The following PUS10 variants were observed in gnomAD, a reference collection of about 807,000 sequenced individuals.
PUS10 encodes the protein pseudouridine synthase 10.
PUS10 carries 59 observed loss-of-function variants against 75.0 expected under a neutral mutation model. That is an observed-to-expected ratio of 0.79 (90% CI 0.64 to 0.98). The LOEUF is 0.98. PUS10 is among the 50% of genes least tolerant of loss of function. PUS10 has a pLI of 0.00. For missense variants in PUS10, 650 were observed against 614.4 expected (o/e 1.06, Z -0.61); for synonymous variants, 219 against 211.6 (o/e 1.03, Z -0.30).
intron 6 of PUS10, chr2:60,965,816 T>A (rs1276520975): frequency 1.1e-5 from 2 of 179,544 alleles, no homozygotes; most frequent in African/African-American, 2.4e-5. Flanking sequence ...CAGAGAGAAA[T>A]GAAGAATTAT....
At position 60,942,285 on chromosome 2, in the gene PUS10, T is replaced by G; in HGVS notation, c.*110A>C. The G allele has an allele frequency of 1.2e-6, 1 of 835,568 alleles. No homozygotes were observed. The highest frequency in any genetic ancestry group is 2.4e-5 in the East Asian group (1 of 41,330). 51.8% of individuals were successfully genotyped at this position (835,568 alleles called of 1,614,324 possible). A position where few individuals can be genotyped will look rare whatever the true frequency, so the allele number is the denominator to read the frequency against. ...ATTATATAGATCAACATGATCCAAA[T>G]AGTTTTCAAGACACCGTTATGGTGG... On this transcript the variant is annotated 3_prime_UTR_variant, in exon 18 of 18. Transcript: ENST00000316752.
intron 11 of PUS10, 85 bp downstream of exon 11, chr2:60,960,307 G>T: frequency 9.5e-7 from 1 of 1,056,698 alleles, no homozygotes; most frequent in Non-Finnish European, 1.3e-6. Flanking sequence ...TCGTGCTACT[G>T]CAATCTAGCC....
intron 5 of PUS10, among the ~76,000 whole-genome samples, 188 bp downstream of exon 5, chr2:60,971,335 A>T (rs1459247461): frequency 6.6e-6 from 1 of 152,220 alleles, no homozygotes; most frequent in Middle Eastern, 3.2e-3. Flanking sequence ...CTAATATGCT[A>T]TGCAAATAAA....
chr2:60,956,242 T>A (rs907901777), intron 11 of PUS10, among the ~76,000 whole-genome samples: 2 of 152,176 alleles, frequency 1.3e-5, no homozygotes, highest in Admixed American at 1.3e-4. Context: ...AATAAATCCA[T>A]AGCAATATCG....
intron 4 of PUS10, among the ~76,000 whole-genome samples, chr2:60,991,953 C>T (rs1678113043): frequency 6.6e-6 from 1 of 151,954 alleles, no homozygotes; most frequent in African/African-American, 2.4e-5. Context: ...ACTGAAATAT[C>T]AGTTGCTGCA....
chr2:60,945,750 A>G (rs1310282891), intron 16 of PUS10, among the ~76,000 whole-genome samples: 1 of 152,180 alleles, frequency 6.6e-6, no homozygotes, highest in Admixed American at 6.5e-5. Context: ...TTGTATTTCA[A>G]ATTTTGAAAT....
intron 6 of PUS10, chr2:60,965,706 AC>A (rs1676300754): frequency 5.6e-6 from 2 of 354,228 alleles, no homozygotes; most frequent in Non-Finnish European, 1.0e-5. Flanking sequence ...TAGTGATCCT[AC>A]CAAAAAAGTT....
intron 4 of PUS10, among the ~76,000 whole-genome samples, chr2:61,006,278 A>T (rs1429067387): frequency 6.6e-6 from 1 of 152,208 alleles, no homozygotes; most frequent in South Asian, 2.1e-4. Context: ...CATGCCTCAC[A>T]TGGAGCTAAT....
At chr2:61,008,322 G>A (rs1163633745) in intron 3 of PUS10, among the ~76,000 whole-genome samples, 1 of 152,020 alleles carries the variant, frequency 6.6e-6, no homozygotes, top group East Asian at 1.9e-4. Flanking sequence ...TCGGGAGTTC[G>A]AGACCAACCT....
At position 60,943,987 on chromosome 2, in the gene PUS10, G is replaced by C. The variant is rs1298654575; in HGVS notation, c.1551+1022C>G. Among the ~76,000 whole-genome samples, 3 of 152,110 alleles carry C rather than the reference G, an allele frequency of 2.0e-5. No homozygotes were observed. The East Asian group carries it at 5.8e-4, about 29-fold the overall frequency. On this transcript the variant is annotated intron_variant, in intron 17 of 17. Coordinates refer to ENST00000316752, the MANE Select transcript of PUS10 (RefSeq NM_144709.4). ...CAACAACAACAACAAAAAAACGCCA[G>C]GCATAGTGGCTCATGCCTGTGGTCC...
intron 7 of PUS10, 68 bp downstream of exon 7, chr2:60,965,355 C>T: frequency 8.0e-7 from 1 of 1,253,194 alleles, no homozygotes; most frequent in Non-Finnish European, 1.2e-6. Context: ...AGAAGCAATA[C>T]TATTTTCATG....
chr2:60,943,988 G>A (rs1674785035), intron 17 of PUS10, among the ~76,000 whole-genome samples: 1 of 151,986 alleles, frequency 6.6e-6, no homozygotes, highest in Non-Finnish European at 1.5e-5. Context: ...AAAACGCCAG[G>A]CATAGTGGCT....
intron 8 of PUS10, among the ~76,000 whole-genome samples, 161 bp downstream of exon 8, chr2:60,964,897 T>C (rs909383893): frequency 2.0e-5 from 3 of 152,170 alleles, no homozygotes; most frequent in African/African-American, 7.2e-5. Context: ...GTTGAAAAAG[T>C]TGAAAAACAA....
chr2:61,006,958 G>GA (rs1175965154), intron 3 of PUS10, among the ~76,000 whole-genome samples: 1 of 152,070 alleles, frequency 6.6e-6, no homozygotes, highest in East Asian at 1.9e-4. Flanking sequence ...ACTCTTGACA[G>GA]AAAAAACAAA....
At chr2:61,015,160 G>A (rs544928706) in intron 1 of PUS10, among the ~76,000 whole-genome samples, 1 of 152,252 alleles carries the variant, frequency 6.6e-6, no homozygotes, top group South Asian at 2.1e-4. Context: ...GGGCTCCAGG[G>A]TATTTTCAAG....
chr2:61,010,010 GTACA>G (rs1339551532), intron 2 of PUS10: 3 of 152,174 alleles, frequency 2.0e-5, no homozygotes, highest in Non-Finnish European at 4.4e-5. Context: ...AGATGTGCAT[GTACA>G]TACATAGTTA....
At chr2:60,999,666 A>C (rs1678718287) in intron 4 of PUS10, among the ~76,000 whole-genome samples, 1 of 152,162 alleles carries the variant, frequency 6.6e-6, no homozygotes, top group African/African-American at 2.4e-5. Flanking sequence ...ATTATATAGA[A>C]TCTTAGAGTT....
At chr2:60,942,989 C>A (rs996015729) in intron 17 of PUS10, among the ~76,000 whole-genome samples, 1 of 148,598 alleles carries the variant, frequency 6.7e-6, no homozygotes, top group Non-Finnish European at 1.5e-5. Flanking sequence ...CGAAATCACG[C>A]CACAGCACTC....
chr2:61,002,194 C>T lies in PUS10; in HGVS notation c.468+4363G>A, dbSNP rs536408784. Among the ~76,000 whole-genome samples, 10 of 152,212 alleles carry T rather than the reference C, an allele frequency of 6.6e-5. No individual in the cohort carries two copies. The East Asian group carries it at 7.7e-4, about 12-fold the overall frequency. On this transcript the variant is annotated intron_variant, in intron 4 of 17. Transcript: ENST00000316752. ...TGTATTAGCATCTCTGGGAATGGGA[C>T]CTGGGAAACTCTCCAAGTGAGTCTC...
Sources: gnomAD v4.1 joint callset for allele counts (sites outside exome capture counted in the v4.1 genomes callset) on GRCh38, gnomAD v4.1.1 for gene constraint, MANE v1.5 for transcripts, NCBI Gene and HGNC (gene_info 2026-07-23, HGNC 2026-07-21) for gene names.